The following STAU2 variants were observed in gnomAD, a reference collection of about 807,000 sequenced individuals.
STAU2 encodes the protein staufen double-stranded RNA binding protein 2, also known as double-stranded RNA-binding protein Staufen homolog 2.
STAU2 carries 20 observed loss-of-function variants against 65.9 expected under a neutral mutation model. That is an observed-to-expected ratio of 0.30 (90% CI 0.21 to 0.44). The LOEUF (loss-of-function observed/expected upper bound fraction) is 0.44. STAU2 is among the 20% of genes least tolerant of loss of function. The probability of loss-of-function intolerance (pLI) is 1.00; values close to 1 mark genes in which losing one functional copy is unlikely to be tolerated. For synonymous variants in STAU2, 232 were observed against 233.9 expected, an observed-to-expected ratio of 0.99 and a Z score of 0.07; for missense variants, 558 against 683.9, an observed-to-expected ratio of 0.82 and a Z score of 2.05.
At chr8:73,713,925 CAG>C (rs1422986368) in intron 3 of STAU2, among the ~76,000 whole-genome samples, 2 of 151,652 alleles carry the variant, frequency 1.3e-5, no homozygotes, top group Non-Finnish European at 2.9e-5. Context: ...TTTTTTGAGA[CAG>C]AGTTTCACTC....
chr8:73,425,630 T>TCTCTCTCTTCTCTCTCTCTCC (rs1248066009), intron 13 of STAU2, among the ~76,000 whole-genome samples: 9 of 152,292 alleles, frequency 5.9e-5, no homozygotes, highest in African/African-American at 1.9e-4. Flanking sequence ...TCTCTCTCTC[T>TCTCTCTCTTCTCTCTCTCTCC]CTCTCTCTTC....
intron 6 of STAU2, among the ~76,000 whole-genome samples, chr8:73,621,762 G>C (rs926706376): frequency 6.6e-6 from 1 of 152,072 alleles, no homozygotes; most frequent in African/African-American, 2.4e-5. Context: ...ATCCAAGCCT[G>C]ATCTGCTGCA....
chr8:73,478,290 C>T (rs773328374), intron 13 of STAU2, among the ~76,000 whole-genome samples: 61 of 100,674 alleles, frequency 6.1e-4, no homozygotes, highest in Admixed American at 1.3e-3. Context: ...CTAACACTAA[C>T]GATAACTGAT....
chr8:73,745,965 G>A (rs1385209129), intron 1 of STAU2, among the ~76,000 whole-genome samples: 5 of 147,696 alleles, frequency 3.4e-5, no homozygotes, highest in African/African-American at 5.0e-5. Flanking sequence ...GCTCGACCCC[G>A]AAGAGACTAG....
intron 13 of STAU2, among the ~76,000 whole-genome samples, chr8:73,518,767 G>C (rs1822879661): frequency 6.6e-6 from 1 of 151,958 alleles, no homozygotes; most frequent in Non-Finnish European, 1.5e-5. Flanking sequence ...GAAGCTCCTG[G>C]TGACTTTTCC....
chr8:73,470,787 G>C (rs978137031), intron 13 of STAU2, among the ~76,000 whole-genome samples: 2 of 151,100 alleles, frequency 1.3e-5, no homozygotes. Context: ...CTGGGCAGCA[G>C]AGTGAGATCC....
intron 10 of STAU2, among the ~76,000 whole-genome samples, chr8:73,600,432 T>C (rs1811551637): frequency 6.6e-6 from 1 of 152,182 alleles, no homozygotes; most frequent in Non-Finnish European, 1.5e-5. Context: ...ACAAATCTAG[T>C]ACAGTCAGAC....
intron 13 of STAU2, among the ~76,000 whole-genome samples, chr8:73,500,324 TC>T (rs1821672399): frequency 6.6e-6 from 1 of 151,950 alleles, no homozygotes; most frequent in Non-Finnish European, 1.5e-5. Flanking sequence ...ACCTACCACT[TC>T]GTTGGTGTGG....
intron 9 of STAU2, among the ~76,000 whole-genome samples, chr8:73,613,381 G>T (rs1309056566): frequency 6.6e-6 from 1 of 152,114 alleles, no homozygotes; most frequent in Non-Finnish European, 1.5e-5. Context: ...ATAAAAATGG[G>T]CAAACTCTTT....
At chr8:73,673,824 C>T (rs1817852685) in intron 5 of STAU2, among the ~76,000 whole-genome samples, 1 of 151,800 alleles carries the variant, frequency 6.6e-6, no homozygotes, top group Non-Finnish European at 1.5e-5. Context: ...GTAGCATTAT[C>T]GATAAAAACA....
At chr8:73,441,751 G>A (rs1487483787) in intron 13 of STAU2, among the ~76,000 whole-genome samples, 1 of 152,184 alleles carries the variant, frequency 6.6e-6, no homozygotes, top group Non-Finnish European at 1.5e-5. Context: ...CAGAACTAAC[G>A]ATTGATGTTT....
intron 13 of STAU2, among the ~76,000 whole-genome samples, chr8:73,442,353 C>CAA (rs10606663): frequency 2.1e-4 from 21 of 99,894 alleles, no homozygotes; most frequent in East Asian, 6.1e-4. Flanking sequence ...GACTCCGTCT[C>CAA]AAAAAAAAAA....
intron 6 of STAU2, among the ~76,000 whole-genome samples, chr8:73,624,878 A>G (rs939573014): frequency 6.6e-6 from 1 of 152,246 alleles, no homozygotes; most frequent in African/African-American, 2.4e-5. Flanking sequence ...AAAGGCAATG[A>G]TGGGGACACT....
At chr8:73,632,702 A>G (rs772304577) in intron 6 of STAU2, among the ~76,000 whole-genome samples, 2 of 152,206 alleles carry the variant, frequency 1.3e-5, no homozygotes, top group African/African-American at 2.4e-5. Context: ...CCAGTTATGC[A>G]TAAGAAATTC....
intron 13 of STAU2, among the ~76,000 whole-genome samples, chr8:73,447,359 C>T (rs1818522265): frequency 6.6e-6 from 1 of 152,132 alleles, no homozygotes; most frequent in Admixed American, 6.6e-5. Flanking sequence ...ACATCTTGGA[C>T]ATCTTTTCAA....
chr8:73,428,321 A>G (rs1205049849), intron 13 of STAU2, among the ~76,000 whole-genome samples: 2 of 152,096 alleles, frequency 1.3e-5, no homozygotes, highest in African/African-American at 2.4e-5. Flanking sequence ...AAAGCTGAAC[A>G]TATTCCATTG....
intron 6 of STAU2, chr8:73,653,734 C>T: frequency 1.0e-5 from 2 of 190,536 alleles, no homozygotes; most frequent in Non-Finnish European, 2.2e-5. Context: ...CCCAGGAAAG[C>T]CTGATGTTCA....
chr8:73,546,123 C>CTTTTTTTTTTTTTTTTTTTT (rs71561528), intron 13 of STAU2, among the ~76,000 whole-genome samples: 14 of 93,288 alleles, frequency 1.5e-4, no homozygotes, highest in Non-Finnish European at 2.1e-4. Context: ...GTTTGGTTTT[C>CTTTTTTTTTTTTTTTTTTTT]TTTTTTTTTT....
rs537569126 is a variant in STAU2 at position 73,736,159 on chromosome 8, T to C, written c.-18+2125A>G. ...GTTTCTAGTACAGGAGAAAACTAAA[T>C]AATAACTTTACATGAGGGAGAGTTA... is the stretch of plus-strand genomic sequence containing the variant. On this transcript the variant is annotated intron_variant, in intron 3 of 14. Transcript: ENST00000524300. 3.0e-4 allele frequency among the ~76,000 whole-genome samples: 46 copies of C among 152,314 alleles called. No homozygotes were observed. In the South Asian group the frequency reaches 9.1e-3, roughly 30 times the overall value.
Sources: gnomAD v4.1 joint callset for allele counts (sites outside exome capture counted in the v4.1 genomes callset) on GRCh38, gnomAD v4.1.1 for gene constraint, MANE v1.5 for transcripts, NCBI Gene and HGNC (gene_info 2026-07-23, HGNC 2026-07-21) for gene names.